Variants in STX2 observed in about 807,000 individuals in gnomAD.
STX2 encodes the protein syntaxin-2.
A neutral mutation model predicts 40.6 loss-of-function variants in STX2; 27 were observed. That is an observed-to-expected ratio of 0.66 (90% CI 0.49 to 0.92). The LOEUF (loss-of-function observed/expected upper bound fraction) is 0.92, where lower values mean the gene tolerates loss of function less well. Among genes scored for constraint, STX2 ranks in the 40% least tolerant of loss-of-function variants. The probability of loss-of-function intolerance (pLI) is 0.00; values close to 1 mark genes in which losing one functional copy is unlikely to be tolerated. For synonymous variants in STX2, 123 were observed against 119.1 expected, an observed-to-expected ratio of 1.03 and a Z score of -0.22; for missense variants, 328 against 366.1, an observed-to-expected ratio of 0.90 and a Z score of 0.85.
chr12:130,835,697 C>G (rs1038349548), intron 1 of STX2, among the ~76,000 whole-genome samples: 7 of 152,174 alleles, frequency 4.6e-5, no homozygotes, highest in Non-Finnish European at 8.8e-5. Flanking sequence ...AGCACATGAT[C>G]TGCTAGAGGC....
intron 6 of STX2, among the ~76,000 whole-genome samples, chr12:130,805,530 A>G (rs1413525774): frequency 6.6e-6 from 1 of 152,218 alleles, no homozygotes; most frequent in African/African-American, 2.4e-5. Context: ...CAGACCCCGC[A>G]TGCTCACTGG....
chr12:130,803,398 T>A (rs867937806), intron 6 of STX2, among the ~76,000 whole-genome samples: 1 of 152,178 alleles, frequency 6.6e-6, no homozygotes, highest in South Asian at 2.1e-4. Flanking sequence ...ATTCTCTGAG[T>A]TTTGCTTTGC....
chr12:130,817,493 T>A (rs1256587090), intron 3 of STX2, among the ~76,000 whole-genome samples: 3 of 151,976 alleles, frequency 2.0e-5, no homozygotes, highest in Non-Finnish European at 2.9e-5. Flanking sequence ...GACATACAAT[T>A]CCAGCCGCAA....
intron 3 of STX2, among the ~76,000 whole-genome samples, chr12:130,813,435 T>C (rs1355884473): frequency 1.3e-5 from 2 of 152,310 alleles, no homozygotes; most frequent in East Asian, 3.9e-4. Context: ...AACGATGATC[T>C]CAACAAAGTC....
At position 130,790,570 on chromosome 12, in the gene STX2, C is replaced by G. The variant is rs1950853023; in HGVS notation, c.*1453G>C. ...TAAAAAGGTTTAATTATCATGAATCCCTATACATTTTGGAAATTAACTTTT... is the reference window on the plus strand; with the variant it reads ...TAAAAAGGTTTAATTATCATGAATCGCTATACATTTTGGAAATTAACTTTT... On this transcript the variant is annotated 3_prime_UTR_variant, in exon 11 of 11. Coordinates refer to ENST00000392373, the MANE Select transcript of STX2 (RefSeq NM_194356.4). 1 of 152,018 alleles carries G rather than the reference C, an allele frequency of 6.6e-6. No individual in the cohort carries two copies. The highest frequency in any genetic ancestry group is 2.4e-5 in the African/African-American group (1 of 41,376). 9.4% of individuals were successfully genotyped at this position (152,018 alleles called of 1,614,324 possible).
chr12:130,799,892 T>A (rs1484926936), intron 8 of STX2, among the ~76,000 whole-genome samples: 1 of 152,074 alleles, frequency 6.6e-6, no homozygotes, highest in Non-Finnish European at 1.5e-5. Flanking sequence ...AAATACAGTG[T>A]TTCTTAACAA....
chr12:130,825,004 T>C (rs534339278), intron 2 of STX2, among the ~76,000 whole-genome samples: 1 of 151,746 alleles, frequency 6.6e-6, no homozygotes, highest in Admixed American at 6.6e-5. Context: ...CACAGCTTAA[T>C]GGCACTCAGT....
chr12:130,833,894 G>A (rs1466603151), intron 1 of STX2, among the ~76,000 whole-genome samples: 1 of 152,222 alleles, frequency 6.6e-6, no homozygotes, highest in Non-Finnish European at 1.5e-5. Context: ...CAGGCACCAT[G>A]CAGAATACTG....
intron 3 of STX2, among the ~76,000 whole-genome samples, chr12:130,820,395 G>A (rs902752609): frequency 7.9e-5 from 12 of 152,160 alleles, no homozygotes; most frequent in African/African-American, 2.4e-4. Flanking sequence ...GGCTGGGCAC[G>A]GTGGCTCATG....
At chr12:130,827,434 AT>A (rs1952365516) in intron 1 of STX2, among the ~76,000 whole-genome samples, 167 bp from the exon 2 acceptor site, 1 of 152,172 alleles carries the variant, frequency 6.6e-6, no homozygotes, top group African/African-American at 2.4e-5. Context: ...ACTCCGCAAC[AT>A]TTTCAACACA....
intron 1 of STX2, 96 bp from the exon 2 acceptor site, chr12:130,827,363 T>C: frequency 1.1e-6 from 1 of 898,622 alleles, no homozygotes; most frequent in Non-Finnish European, 1.8e-6. Context: ...CCACAAGATC[T>C]CAACTCACTA....
intron 9 of STX2, among the ~76,000 whole-genome samples, chr12:130,797,328 T>C (rs1178555241): frequency 6.6e-6 from 1 of 152,254 alleles, no homozygotes; most frequent in African/African-American, 2.4e-5. Context: ...TTAAGCACTT[T>C]ATACAGGTAT....
intron 3 of STX2, among the ~76,000 whole-genome samples, chr12:130,815,987 T>TA (rs533433093): frequency 1.2e-3 from 186 of 152,234 alleles, no homozygotes; most frequent in African/African-American, 4.2e-3. Flanking sequence ...TGACAGGAAT[T>TA]AGAGAGACTT....
At chr12:130,828,778 A>G (rs4533079) in intron 1 of STX2, among the ~76,000 whole-genome samples, 148,684 of 150,922 alleles carry the variant, frequency 0.99, 73,267 homozygotes, top group East Asian at 1. Context: ...TGAGGCAGGA[A>G]AATGGCATGA....
chr12:130,838,669 A>C (rs1057043218), intron 1 of STX2, among the ~76,000 whole-genome samples: 1 of 152,140 alleles, frequency 6.6e-6, no homozygotes, highest in African/African-American at 2.4e-5. Context: ...CGTGGGGCGG[A>C]CCACAGTTAG....
chr12:130,801,278 A>C lies in STX2; in HGVS notation c.550T>G (p.Ser184Ala). ...SIFTSDIISD[S>A]QITRQALNEI... Reference sequence around the variant, plus strand: ...TTGAGAGCTTGTCTAGTAATTTGTGAATCTGATATAATCTTGGAAAAACAA... The same window carrying C: ...TTGAGAGCTTGTCTAGTAATTTGTGCATCTGATATAATCTTGGAAAAACAA... The change falls in exon 8 of 11, where the codon TCA (serine) becomes GCA (alanine). Residue 184 changes from serine (S) to alanine (A), a missense_variant. Transcript: ENST00000392373. 1 of 1,609,670 alleles carries C rather than the reference A, an allele frequency of 6.2e-7. No individual in the cohort carries two copies. Among genetic ancestry groups the C allele is most frequent in the Non-Finnish European group, 8.5e-7 (1 of 1,177,286 alleles).
At chr12:130,816,445 A>G (rs117426462) in intron 3 of STX2, among the ~76,000 whole-genome samples, 1,796 of 152,280 alleles carry the variant, frequency 0.012, 79 homozygotes, top group East Asian at 0.094. Context: ...CAGCAAAACA[A>G]AAGAGGCACT....
chr12:130,838,451 G>A (rs1389497826), intron 1 of STX2, among the ~76,000 whole-genome samples: 1 of 152,224 alleles, frequency 6.6e-6, no homozygotes, highest in African/African-American at 2.4e-5. Flanking sequence ...CACGGTCCCA[G>A]TTTCCAAAGC....
intron 2 of STX2, among the ~76,000 whole-genome samples, chr12:130,825,085 G>GACTT (rs1952253314): frequency 6.8e-6 from 1 of 147,392 alleles, no homozygotes; most frequent in Non-Finnish European, 1.5e-5. Flanking sequence ...GCCCCAAGCC[G>GACTT]GGGTGCAGTG....
Sources: allele counts gnomAD v4.1 joint callset (sites outside exome capture counted in the v4.1 genomes callset), GRCh38; gene constraint gnomAD v4.1.1; transcripts MANE v1.5; gene names NCBI Gene and HGNC (gene_info 2026-07-23, HGNC 2026-07-21).